Variants in CHLSN observed in about 807,000 individuals in gnomAD.
The protein encoded by CHLSN is protein cholesin.
chr7:1,136,359 CATATATATAAATATATATAA>C, the CHLSN span, among the ~76,000 whole-genome samples: 1 of 29,346 alleles, frequency 3.4e-5, no homozygotes, highest in Non-Finnish European at 6.2e-5. Flanking sequence ...TATATATAAA[CATATATATAAATATATATAA>C]ATATATAAAC....
At chr7:996,770 C>T in the CHLSN span, among the ~76,000 whole-genome samples, 3 of 152,226 alleles carry the variant, frequency 2.0e-5, no homozygotes, top group Non-Finnish European at 2.9e-5. Flanking sequence ...TGATTCTGTG[C>T]GGCCTAAGTG....
chr7:991,043 T>C, the CHLSN span, among the ~76,000 whole-genome samples: 1 of 149,044 alleles, frequency 6.7e-6, no homozygotes, highest in Non-Finnish European at 1.5e-5. Context: ...CTCCCGGCCC[T>C]GCAGGGGACC....
chr7:986,639 C>G, the CHLSN span: 5 of 1,612,602 alleles, frequency 3.1e-6, no homozygotes, highest in African/African-American at 6.7e-5. Flanking sequence ...CAACGTCTAC[C>G]CATGGCTCGG....
chr7:1,096,620 G>C, the CHLSN span, among the ~76,000 whole-genome samples: 3 of 152,214 alleles, frequency 2.0e-5, no homozygotes, highest in African/African-American at 7.2e-5. The surrounding 1 kb of genome is among the most constrained non-coding windows in gnomAD (Gnocchi z 4.6). Flanking sequence ...GCTGTCTCCT[G>C]GTAACCCAAC....
chr7:1,023,988 G>A, the CHLSN span, among the ~76,000 whole-genome samples: 1 of 152,202 alleles, frequency 6.6e-6, no homozygotes, highest in African/African-American at 2.4e-5. The surrounding 1 kb of genome is among the most constrained non-coding windows in gnomAD (Gnocchi z 5.0). Flanking sequence ...CTATAGGCAT[G>A]TGCCACCATG....
chr7:1,019,761 T>C, the CHLSN span, among the ~76,000 whole-genome samples: 4 of 152,322 alleles, frequency 2.6e-5, no homozygotes, highest in East Asian at 7.7e-4. Context: ...CGGAGACTGG[T>C]TGGCTGTGGC....
At chr7:1,031,895 A>T in the CHLSN span, among the ~76,000 whole-genome samples, 1 of 150,892 alleles carries the variant, frequency 6.6e-6, no homozygotes, top group Non-Finnish European at 1.5e-5. Context: ...CGGCCAGCAA[A>T]CACCACCCGG....
At chr7:1,028,931 T>G in the CHLSN span, 19 of 510,532 alleles carry the variant, frequency 3.7e-5, no homozygotes, top group Non-Finnish European at 4.5e-5. Context: ...TGCCCCCATC[T>G]CCCCTGCCCA....
chr7:1,077,543 A>C, the CHLSN span, among the ~76,000 whole-genome samples: 1 of 152,220 alleles, frequency 6.6e-6, no homozygotes, highest in Non-Finnish European at 1.5e-5. Flanking sequence ...TCCTATTTGA[A>C]GTTGCTCTGG....
At chr7:1,022,006 A>C in the CHLSN span, among the ~76,000 whole-genome samples, 8 of 152,172 alleles carry the variant, frequency 5.3e-5, no homozygotes, top group Middle Eastern at 3.2e-3. Flanking sequence ...CCCAGGTGAC[A>C]GCGATGACGG....
At chr7:1,045,873 TCCA>T in the CHLSN span, 2 of 152,250 alleles carry the variant, frequency 1.3e-5, no homozygotes, top group African/African-American at 4.8e-5. Flanking sequence ...CGTGCTGGCG[TCCA>T]CGTGTCATCC....
the CHLSN span, among the ~76,000 whole-genome samples, chr7:1,042,379 G>T: frequency 6.6e-6 from 1 of 152,212 alleles, no homozygotes; most frequent in Admixed American, 6.5e-5. Context: ...CTGAGTCAGG[G>T]CCACACGCCC....
the CHLSN span, among the ~76,000 whole-genome samples, chr7:1,002,271 C>CCCTGTGGGTGAGTGGAAT: frequency 4.0e-3 from 249 of 62,864 alleles, 2 homozygotes; most frequent in Non-Finnish European, 5.6e-3. Context: ...GTGAGTGGAG[C>CCCTGTGGGTGAGTGGAAT]CCTGTGGGTG....
At chr7:1,092,625 C>G in the CHLSN span, 1 of 1,612,410 alleles carries the variant, frequency 6.2e-7, no homozygotes, top group Non-Finnish European at 8.5e-7. Context: ...AGTCTTTCCG[C>G]CATGCCCACC....
At chr7:1,032,624 C>T in the CHLSN span, among the ~76,000 whole-genome samples, 1 of 150,212 alleles carries the variant, frequency 6.7e-6, no homozygotes, top group East Asian at 2.0e-4. Context: ...AGCCACCCGC[C>T]CACACCTCCA....
chr7:1,066,550 G>GA, the CHLSN span, among the ~76,000 whole-genome samples: 1 of 152,228 alleles, frequency 6.6e-6, no homozygotes, highest in Non-Finnish European at 1.5e-5. Flanking sequence ...CCTCAACGTG[G>GA]AAAAAGCTGG....
At chr7:1,016,869 G>GCAGCGCACAGCAGCACACAC in the CHLSN span, among the ~76,000 whole-genome samples, 2 of 48,656 alleles carry the variant, frequency 4.1e-5, no homozygotes, top group East Asian at 3.6e-4. Flanking sequence ...ACAGCACACA[G>GCAGCGCACAGCAGCACACAC]CAGCGCACAG....
the CHLSN span, among the ~76,000 whole-genome samples, chr7:1,008,836 T>TACACGC: frequency 9.3e-6 from 1 of 107,716 alleles, no homozygotes; most frequent in Non-Finnish European, 2.0e-5. Context: ...ACAACGTGTA[T>TACACGC]ACACACGCAC....
chr7:1,074,999 C>T, the CHLSN span, among the ~76,000 whole-genome samples: 2 of 152,224 alleles, frequency 1.3e-5, no homozygotes, highest in Admixed American at 1.3e-4. Context: ...GGGGGCTCCT[C>T]CTTGTGACTG....
Sources: allele counts gnomAD v4.1 joint callset (sites outside exome capture counted in the v4.1 genomes callset), GRCh38; gene constraint gnomAD v4.1.1; non-coding constraint Gnocchi (gnomAD v3.1); transcripts MANE v1.5; gene names NCBI Gene and HGNC (gene_info 2026-07-23, HGNC 2026-07-21).